EML5: variants seen among roughly 807,000 people sequenced by gnomAD.
EML5 encodes EMAP like 5.
A neutral mutation model predicts 250.0 loss-of-function variants in EML5; 120 were observed. The observed-to-expected ratio is 0.48, with a 90% CI of 0.41 to 0.56. The LOEUF (loss-of-function observed/expected upper bound fraction) is 0.56. Among genes scored for constraint, EML5 ranks in the 20% least tolerant of loss-of-function variants. The pLI, the probability that EML5 is intolerant of heterozygous loss-of-function variation, is 0.00. For synonymous variants in EML5, 771 were observed against 806.5 expected (o/e 0.96, Z 0.75); for missense variants, 2,006 against 2,437.6 (o/e 0.82, Z 3.73).
intron 1 of EML5, among the ~76,000 whole-genome samples, chr14:88,764,525 A>G (rs940005722): frequency 6.6e-6 from 1 of 152,092 alleles, no homozygotes; most frequent in African/African-American, 2.4e-5. Context: ...AAGTTTATCA[A>G]TCTGATCCTT....
At chr14:88,725,905 G>A (rs1340422849) in intron 8 of EML5, among the ~76,000 whole-genome samples, 1 of 152,172 alleles carries the variant, frequency 6.6e-6, no homozygotes, top group Admixed American at 6.5e-5. Flanking sequence ...AGAGAACTGT[G>A]TTAATAGTTT....
intron 21 of EML5, among the ~76,000 whole-genome samples, chr14:88,679,013 A>C (rs1347837224): frequency 1.3e-5 from 2 of 151,840 alleles, no homozygotes; most frequent in Admixed American, 6.6e-5. Context: ...TGGTTGTAGC[A>C]ATCCTTGGTG....
rs1423868022 is a variant in EML5 at position 88,712,464 on chromosome 14, A to C, written c.1464T>G (p.Ser488Arg). ...AATGAACACCTTTTATTTCTTCTGTACTTGTCACTTCCTTTCCTCCTAAAA... is the reference window on the plus strand; with the variant it reads ...AATGAACACCTTTTATTTCTTCTGTCCTTGTCACTTCCTTTCCTCCTAAAA... Reference protein sequence around the residue: ...YRMPGGKEVTSTEEIKGVHWA... With the variant: ...YRMPGGKEVTRTEEIKGVHWA... Residue 488 changes from serine (S) to arginine (R), a missense_variant, in exon 10 of 44, where the codon AGT (serine) becomes AGG (arginine). Coordinates refer to ENST00000554922, the MANE Select transcript of EML5 (RefSeq NM_183387.3). 1 of 1,612,054 alleles carries C rather than the reference A, an allele frequency of 6.2e-7. No individual in the cohort carries two copies. The highest frequency in any genetic ancestry group is 1.7e-5 in the Admixed American group (1 of 59,836).
chr14:88,696,803 CT>C (rs750700659), intron 15 of EML5, 43 bp downstream of exon 15: 1 of 1,392,658 alleles, frequency 7.2e-7, no homozygotes, highest in Admixed American at 2.0e-5. Flanking sequence ...TATGTGTTGC[CT>C]CTGCATTTTG....
chr14:88,679,566 C>T (rs190384457), intron 21 of EML5, among the ~76,000 whole-genome samples: 2 of 152,176 alleles, frequency 1.3e-5, no homozygotes, highest in African/African-American at 4.8e-5. Context: ...GTGGCGCACG[C>T]CTGTAGTCCC....
Position 88,614,706 on chromosome 14 carries a change from T to C in EML5, c.*1112A>G, listed in dbSNP as rs1332112701. On this transcript the variant is annotated 3_prime_UTR_variant, in exon 44 of 44. Transcript: ENST00000554922. ...ATTCCTGAATGATGAGTAGTGATCT[T>C]TGGCAGCATTTAAAGTGAAAAGAAA... is the stretch of plus-strand genomic sequence containing the variant. 4 of 152,198 alleles carry C rather than the reference T, an allele frequency of 2.6e-5. No homozygotes were observed. The highest frequency in any genetic ancestry group is 2.1e-4 in the South Asian group (1 of 4,832). The allele number at this position is 152,198 out of a possible 1,614,324, so 9.4% of individuals were successfully genotyped here.
rs577354656 is a variant in EML5, at chr14:88,661,466, CTT to C, written c.3675+186_3675+187del. 8.1e-3 allele frequency among the ~76,000 whole-genome samples: 1,229 copies of C among 152,242 alleles called. 9 individuals carry two copies. The highest frequency in any genetic ancestry group is 0.027 in the Middle Eastern group (8 of 294). On this transcript the variant is annotated intron_variant, in intron 25 of 43. Coordinates refer to ENST00000554922, the MANE Select transcript of EML5 (RefSeq NM_183387.3). ...AAACACTATAGGATATGATATATAA[CTT>C]AATGTATGGGATTATAAATTACAAT...
intron 25 of EML5, among the ~76,000 whole-genome samples, chr14:88,660,336 T>G (rs1727666709): frequency 2.0e-5 from 3 of 151,868 alleles, no homozygotes; most frequent in Admixed American, 1.3e-4. Flanking sequence ...ATATATAAAT[T>G]TTATTTCCGT....
In EML5 at chr14:88,645,351, T is replaced by G. The variant is rs146537509; in HGVS notation, c.4029-840A>C. ...TTACTTTTAATTTCTTTGGTGTACG[T>G]GTCATAATGTAAATAACAGCACAAG... On this transcript the variant is annotated intron_variant, in intron 29 of 43. Coordinates refer to ENST00000554922, the MANE Select transcript of EML5 (RefSeq NM_183387.3). Among the ~76,000 whole-genome samples the G allele has an allele frequency of 3.3e-4, 50 of 152,314 alleles. 1 individual carries two copies. The East Asian group carries it at 9.5e-3, about 29-fold the overall frequency.
At chr14:88,684,469 C>G (rs905556317) in intron 20 of EML5, among the ~76,000 whole-genome samples, 1 of 147,686 alleles carries the variant, frequency 6.8e-6, no homozygotes, top group African/African-American at 2.5e-5. Flanking sequence ...CGCGCCCGGC[C>G]TGTTTTATTA....
chr14:88,770,977 C>A (rs538903732), intron 1 of EML5, among the ~76,000 whole-genome samples: 23 of 152,238 alleles, frequency 1.5e-4, no homozygotes, highest in African/African-American at 5.3e-4. Flanking sequence ...TCAAATCCCA[C>A]AATTACATAT....
intron 17 of EML5, 131 bp downstream of exon 17, chr14:88,694,176 T>C: frequency 1.6e-6 from 1 of 638,230 alleles, no homozygotes; most frequent in Non-Finnish European, 2.8e-6. Flanking sequence ...TCAGATTTCA[T>C]CAGTTTTTCT....
chr14:88,664,669 T>C, intron 22 of EML5, 45 bp from the exon 23 acceptor site: 5 of 1,579,704 alleles, frequency 3.2e-6, no homozygotes, highest in Non-Finnish European at 4.3e-6. Flanking sequence ...TCTTTGGAAA[T>C]ACTTTTTTAC....
intron 5 of EML5, 87 bp downstream of exon 5, chr14:88,740,300 A>G (rs45497400): frequency 0.011 from 12,344 of 1,113,222 alleles, 89 homozygotes; most frequent in Middle Eastern, 0.033. Context: ...CTGACTAGAA[A>G]CAATATACTA....
rs1235345034 is a variant in EML5 at position 88,628,410 on chromosome 14, T to A, written c.4358-591A>T. On this transcript the variant is annotated intron_variant, in intron 33 of 43. Transcript: ENST00000554922. ...TTCATGAGAAAGATAAAACTGCTAA[T>A]CTTTAAAAAAATGTGGTTATTATTA... is the stretch of plus-strand genomic sequence containing the variant. Among the ~76,000 whole-genome samples the A allele has an allele frequency of 3.3e-5, 5 of 152,202 alleles. No individual in the cohort carries two copies. In the East Asian group the frequency reaches 9.6e-4, roughly 29 times the overall value.
At position 88,661,778 on chromosome 14, in the gene EML5, T is replaced by A. The variant is rs2092108890; in HGVS notation, c.3551A>T (p.Glu1184Val). The change falls in exon 25 of 44, where the codon GAA becomes GTA. Residue 1184 changes from glutamate (E) to valine (V), a missense_variant. Glu to Val is a moderately radical substitution (Grantham distance 121). Coordinates refer to ENST00000554922, the MANE Select transcript of EML5 (RefSeq NM_183387.3). ...TTCTCCAATTACTGGCCAAATTCCT[T>A]CACAGCATAAACCAAGTACACTTGT... is the stretch of plus-strand genomic sequence containing the variant. ...SWTSVLGLCC[E>V]GIWPVIGEVT... 2 of 1,613,592 alleles carry A rather than the reference T, an allele frequency of 1.2e-6. No homozygotes were observed. The highest frequency in any genetic ancestry group is 2.7e-5 in the African/African-American group (2 of 74,908).
At chr14:88,764,783 CTTCTT>C (rs1595823642) in intron 1 of EML5, among the ~76,000 whole-genome samples, 4 of 152,022 alleles carry the variant, frequency 2.6e-5, no homozygotes, top group African/African-American at 4.8e-5. Flanking sequence ...TCACTTTCTT[CTTCTT>C]TTCATTTTCA....
chr14:88,640,847 AAC>A (rs1162232143), intron 31 of EML5, among the ~76,000 whole-genome samples: 1 of 152,094 alleles, frequency 6.6e-6, no homozygotes, highest in Non-Finnish European at 1.5e-5. Context: ...GATCCCAATA[AAC>A]ACAATAAAAA....
rs557121723 is a variant in EML5, at chr14:88,740,320, G to A, written c.711+67C>T. On this transcript the variant is annotated intron_variant, in intron 5 of 43. Transcript: ENST00000554922. ...TAGAAACAATATACTATATTACGCA[G>A]TCTATCATTCTAAGACAAGGTTAAG... is the stretch of plus-strand genomic sequence containing the variant. 2.0e-4 allele frequency: 266 copies of A among 1,351,164 alleles called. 3 individuals carry two copies. The South Asian group carries it at 4.0e-3, about 20-fold the overall frequency. The allele number at this position is 1,351,164 out of a possible 1,614,324, so 83.7% of individuals were successfully genotyped here. A position where few individuals can be genotyped will look rare whatever the true frequency, so the allele number is the denominator to read the frequency against.
Sources: gnomAD v4.1 joint callset for allele counts (sites outside exome capture counted in the v4.1 genomes callset) on GRCh38, gnomAD v4.1.1 for gene constraint, MANE v1.5 for transcripts, NCBI Gene and HGNC (gene_info 2026-07-23, HGNC 2026-07-21) for gene names.